The following NMNAT2 variants were observed in gnomAD, a reference collection of about 807,000 sequenced individuals.
NMNAT2 encodes the protein nicotinamide/nicotinic acid mononucleotide adenylyltransferase 2.
A neutral mutation model predicts 41.6 loss-of-function variants in NMNAT2; 11 were observed. The observed-to-expected ratio is 0.26, with a 90% CI of 0.17 to 0.44. NMNAT2 has a LOEUF of 0.44. Ranked by LOEUF, NMNAT2 falls within the 20% of genes least tolerant of loss-of-function variation. The pLI is 1.00. For synonymous variants in NMNAT2, 148 were observed against 151.2 expected, an observed-to-expected ratio of 0.98 and a Z score of 0.16; for missense variants, 288 against 407.7, an observed-to-expected ratio of 0.71 and a Z score of 2.53.
chr1:183,372,353 C>G (rs796876192), intron 1 of NMNAT2, among the ~76,000 whole-genome samples: 1 of 152,054 alleles, frequency 6.6e-6, no homozygotes, highest in African/African-American at 2.4e-5. Context: ...GAAATAGACT[C>G]CACACCACAG....
At chr1:183,355,359 C>T (rs1008031009) in intron 1 of NMNAT2, among the ~76,000 whole-genome samples, 1 of 152,198 alleles carries the variant, frequency 6.6e-6, no homozygotes, top group Admixed American at 6.5e-5. Context: ...GTGGCACCAG[C>T]AGCACCTAGA....
chr1:183,321,904 G>A (rs1285670449), intron 1 of NMNAT2, among the ~76,000 whole-genome samples: 1 of 151,866 alleles, frequency 6.6e-6, no homozygotes, highest in Non-Finnish European at 1.5e-5. Flanking sequence ...CTGCAGCCTC[G>A]ACCTCCTGGG....
chr1:183,357,993 A>G (rs1663233772), intron 1 of NMNAT2, among the ~76,000 whole-genome samples: 1 of 152,220 alleles, frequency 6.6e-6, no homozygotes, highest in South Asian at 2.1e-4. Flanking sequence ...AGCACTATTC[A>G]CAATAGCAAA....
intron 1 of NMNAT2, among the ~76,000 whole-genome samples, chr1:183,338,004 AT>A (rs1487838489): frequency 6.6e-6 from 1 of 152,178 alleles, no homozygotes; most frequent in African/African-American, 2.4e-5. Flanking sequence ...TTTCAAATAG[AT>A]CCCCTCTCTA....
intron 1 of NMNAT2, among the ~76,000 whole-genome samples, chr1:183,295,286 G>A (rs962867834): frequency 2.6e-5 from 4 of 152,124 alleles, no homozygotes; most frequent in Non-Finnish European, 5.9e-5. Context: ...ACAGGCATGA[G>A]CCACGGCACT....
chr1:183,417,570 A>T (rs1002235149), intron 1 of NMNAT2, among the ~76,000 whole-genome samples: 2 of 151,828 alleles, frequency 1.3e-5, no homozygotes, highest in Non-Finnish European at 2.9e-5. Flanking sequence ...CCCCCTCCCT[A>T]TTCACTCAGC....
rs1449314332 is a variant in NMNAT2, at chr1:183,261,228, G to T, written c.727C>A (p.His243Asn). ...TTGTATTTGCGGAGTATTGAGGAGTGATTCATGATTCGGTCTGTGTCGGCT... is the reference window on the plus strand; with the variant it reads ...TTGTATTTGCGGAGTATTGAGGAGTTATTCATGATTCGGTCTGTGTCGGCT... The part of the protein sequence containing the change: ...DAADTDRIMN[H>N]SSILRKYKNN... Residue 243 changes from histidine (H) to asparagine (N), a missense_variant, in exon 9 of 11, where the codon CAC becomes AAC. Coordinates refer to ENST00000287713, the MANE Select transcript of NMNAT2 (RefSeq NM_015039.4). The T allele has an allele frequency of 6.2e-7, 1 of 1,614,066 alleles. No homozygotes were observed. Among genetic ancestry groups the T allele is most frequent in the Non-Finnish European group, 8.5e-7 (1 of 1,180,032 alleles).
intron 1 of NMNAT2, among the ~76,000 whole-genome samples, chr1:183,299,112 C>T (rs570848706): frequency 2.1e-4 from 32 of 152,308 alleles, no homozygotes; most frequent in African/African-American, 5.5e-4. Context: ...TGGCTCATGC[C>T]TGTAATCCCA....
intron 1 of NMNAT2, among the ~76,000 whole-genome samples, chr1:183,389,904 A>C (rs933814231): frequency 8.9e-5 from 13 of 146,868 alleles, no homozygotes; most frequent in Non-Finnish European, 1.5e-4. Flanking sequence ...GGAGGGAAGG[A>C]AGGAAGGAAG....
chr1:183,401,359 A>C (rs889804677), intron 1 of NMNAT2, among the ~76,000 whole-genome samples: 5 of 152,208 alleles, frequency 3.3e-5, no homozygotes, highest in African/African-American at 1.2e-4. Context: ...TCAAAACCAC[A>C]ATGAGATACC....
intron 1 of NMNAT2, among the ~76,000 whole-genome samples, chr1:183,351,500 C>T (rs921652043): frequency 1.3e-5 from 2 of 152,214 alleles, no homozygotes; most frequent in African/African-American, 4.8e-5. Context: ...GGGCTGACTA[C>T]CCATTCCTGG....
chr1:183,384,630 T>A (rs982614532), intron 1 of NMNAT2, among the ~76,000 whole-genome samples: 6 of 152,188 alleles, frequency 3.9e-5, no homozygotes, highest in Admixed American at 3.9e-4. Flanking sequence ...GGATGACAAT[T>A]CAACATGAGA....
At chr1:183,355,295 C>G (rs913901251) in intron 1 of NMNAT2, among the ~76,000 whole-genome samples, 1 of 152,194 alleles carries the variant, frequency 6.6e-6, no homozygotes, top group African/African-American at 2.4e-5. Flanking sequence ...CAGGGAAGTT[C>G]TCTCACAGTT....
chr1:183,251,905 GCGTGCGCGGGTGCACACGCA>G lies in NMNAT2; in HGVS notation c.*716_*735del. ...TACTGCTATATGTGTGTGTGTATGTGCGTGCGCGGGTGCACACGCATGTGTGCGTGTGTGTGTGTGTGCGT... is the reference window on the plus strand; with the variant it reads ...TACTGCTATATGTGTGTGTGTATGTGTGTGTGCGTGTGTGTGTGTGTGCGT... On this transcript the variant is annotated 3_prime_UTR_variant, in exon 11 of 11. Transcript: ENST00000287713. 1 of 158,458 alleles carries G rather than the reference GCGTGCGCGGGTGCACACGCA, an allele frequency of 6.3e-6. No homozygotes were observed. Among genetic ancestry groups the G allele is most frequent in the Non-Finnish European group, 1.4e-5 (1 of 70,996 alleles). The allele number at this position is 158,458 out of a possible 1,614,324, so 9.8% of individuals were successfully genotyped here.
chr1:183,288,980 C>G (rs142005229), intron 4 of NMNAT2, among the ~76,000 whole-genome samples: 173 of 152,344 alleles, frequency 1.1e-3, no homozygotes, highest in Non-Finnish European at 1.7e-3. Context: ...GGGAAGAAAA[C>G]AACAGATGGA....
At chr1:183,377,371 G>C (rs1339557224) in intron 1 of NMNAT2, among the ~76,000 whole-genome samples, 2 of 151,974 alleles carry the variant, frequency 1.3e-5, no homozygotes, top group African/African-American at 4.8e-5. Context: ...AATACAACTG[G>C]GAGGGTGGCA....
At chr1:183,304,760 G>A in intron 1 of NMNAT2, 1 of 1,613,696 alleles carries the variant, frequency 6.2e-7, no homozygotes, top group Non-Finnish European at 8.5e-7. Context: ...GGTTTTTGCA[G>A]CCACTACTTG....
At chr1:183,351,049 C>T (rs1275745290) in intron 1 of NMNAT2, among the ~76,000 whole-genome samples, 3 of 152,190 alleles carry the variant, frequency 2.0e-5, no homozygotes, top group Non-Finnish European at 4.4e-5. Context: ...CGTTATTAGC[C>T]AATCTATCGT....
In NMNAT2 at chr1:183,284,693, G is replaced by A. The variant is rs529128930; in HGVS notation, c.529+17C>T. ...GAAAAGAGACAGGACTGGGAATCAA[G>A]TTCCTTGGTTCCTCACCTACAAAGG... On this transcript the variant is annotated intron_variant, in intron 6 of 10. Transcript: ENST00000287713. The A allele has an allele frequency of 1.9e-6, 3 of 1,607,336 alleles. No homozygotes were observed. The highest frequency in any genetic ancestry group is 2.2e-5 in the South Asian group (2 of 90,930).
Sources: allele counts gnomAD v4.1 joint callset (sites outside exome capture counted in the v4.1 genomes callset), GRCh38; gene constraint gnomAD v4.1.1; transcripts MANE v1.5; gene names NCBI Gene and HGNC (gene_info 2026-07-23, HGNC 2026-07-21).